VDAC1: variants seen among roughly 807,000 people sequenced by gnomAD.
The protein encoded by VDAC1 is voltage dependent anion channel 1.
A neutral mutation model predicts 34.7 loss-of-function variants in VDAC1; 10 were observed. That is an observed-to-expected ratio of 0.29 (90% CI 0.18 to 0.49). The LOEUF is 0.49. Among genes scored for constraint, VDAC1 ranks in the 20% least tolerant of loss-of-function variants. The pLI is 0.99. For missense variants in VDAC1, 230 were observed against 347.9 expected (o/e 0.66, Z 2.69); for synonymous variants, 130 against 136.0 (o/e 0.96, Z 0.30).
the VDAC1 span, among the ~76,000 whole-genome samples, chr5:134,051,283 C>T: frequency 2.6e-5 from 4 of 152,218 alleles, no homozygotes; most frequent in African/African-American, 4.8e-5. Flanking sequence ...ATGCTGAGCC[C>T]GCTCTCAGAG....
At chr5:134,057,516 T>C in the VDAC1 span, among the ~76,000 whole-genome samples, 3 of 150,416 alleles carry the variant, frequency 2.0e-5, no homozygotes, top group South Asian at 6.4e-4. Flanking sequence ...TATATCTATA[T>C]CTATATCTAT....
chr5:134,062,455 A>T, the VDAC1 span, among the ~76,000 whole-genome samples: 2 of 151,756 alleles, frequency 1.3e-5, no homozygotes, highest in Non-Finnish European at 1.5e-5. Flanking sequence ...GTATCTATAT[A>T]CAGTTTGCTA....
chr5:134,100,583 G>A, the VDAC1 span, among the ~76,000 whole-genome samples: 6 of 152,314 alleles, frequency 3.9e-5, no homozygotes, highest in East Asian at 3.9e-4. Flanking sequence ...AGCAGCAGAC[G>A]CAGGCCTAGC....
At chr5:134,035,441 T>C in the VDAC1 span, among the ~76,000 whole-genome samples, 1 of 152,028 alleles carries the variant, frequency 6.6e-6, no homozygotes, top group Non-Finnish European at 1.5e-5. Context: ...AGAAAAGAGG[T>C]CTCATCATTT....
chr5:134,003,827 C>T (rs185815985), intron 1 of VDAC1, among the ~76,000 whole-genome samples: 2 of 152,330 alleles, frequency 1.3e-5, no homozygotes, highest in East Asian at 3.9e-4. Context: ...TGGGGACTTC[C>T]CAGCTGTGTG....
At chr5:133,992,872 C>T (rs1284532993) in intron 2 of VDAC1, 74 bp downstream of exon 2, 10 of 1,458,740 alleles carry the variant, frequency 6.9e-6, no homozygotes, top group African/African-American at 2.8e-5. Flanking sequence ...GTCTCCTAAA[C>T]AGTTATCGGT....
Position 133,972,358 on chromosome 5 carries a change from G to C in VDAC1, c.*413C>G, listed in dbSNP as rs2126884804. ...ATCTGTCTAAAAAAGTCCCATTCAGGTGAGTTTGTACACACCATCAAGCAG... is the reference window on the plus strand; with the variant it reads ...ATCTGTCTAAAAAAGTCCCATTCAGCTGAGTTTGTACACACCATCAAGCAG... On this transcript the variant is annotated 3_prime_UTR_variant, in exon 9 of 9. Coordinates refer to ENST00000265333, the MANE Select transcript of VDAC1 (RefSeq NM_003374.3). 1 of 362,186 alleles carries C rather than the reference G, an allele frequency of 2.8e-6. No individual in the cohort carries two copies. The highest frequency in any genetic ancestry group is 1.4e-4 in the South Asian group (1 of 7,314). The allele number at this position is 362,186 out of a possible 1,614,324, so 22.4% of individuals were successfully genotyped here.
chr5:134,110,579 G>A, the VDAC1 span, among the ~76,000 whole-genome samples: 1 of 152,258 alleles, frequency 6.6e-6, no homozygotes, highest in Non-Finnish European at 1.5e-5. Context: ...TCTAGGACCT[G>A]TAACCGGGTT....
At chr5:134,013,104 A>G in the VDAC1 span, among the ~76,000 whole-genome samples, 6 of 152,240 alleles carry the variant, frequency 3.9e-5, no homozygotes, top group Non-Finnish European at 5.9e-5. Flanking sequence ...AAGACGGATT[A>G]AAGACTTAAA....
chr5:134,010,496 G>C, the VDAC1 span, among the ~76,000 whole-genome samples: 1 of 152,098 alleles, frequency 6.6e-6, no homozygotes, highest in African/African-American at 2.4e-5. Flanking sequence ...TACTCGGGAG[G>C]CTGAAGCAGG....
the VDAC1 span, among the ~76,000 whole-genome samples, chr5:134,088,769 G>A: frequency 6.6e-6 from 1 of 152,066 alleles, no homozygotes; most frequent in Non-Finnish European, 1.5e-5. Flanking sequence ...CTCACTGAAG[G>A]TTACCACTAT....
the VDAC1 span, among the ~76,000 whole-genome samples, chr5:134,026,865 C>A: frequency 5.9e-5 from 9 of 152,356 alleles, no homozygotes; most frequent in South Asian, 1.4e-3. Flanking sequence ...CAGATTCCCT[C>A]ATTTACAGAT....
chr5:133,985,993 G>A (rs932114322), intron 5 of VDAC1, among the ~76,000 whole-genome samples: 1 of 152,210 alleles, frequency 6.6e-6, no homozygotes, highest in Non-Finnish European at 1.5e-5. Flanking sequence ...CCAAGAGAAA[G>A]GGCAGTGCTG....
At chr5:134,055,653 C>T in the VDAC1 span, among the ~76,000 whole-genome samples, 1 of 136,732 alleles carries the variant, frequency 7.3e-6, no homozygotes, top group South Asian at 2.4e-4. Context: ...GTCTTGATCT[C>T]CTGACCTCAG....
At chr5:133,985,662 AAAAG>A (rs1220853993) in intron 5 of VDAC1, among the ~76,000 whole-genome samples, 1 of 152,224 alleles carries the variant, frequency 6.6e-6, no homozygotes, top group Non-Finnish European at 1.5e-5. Flanking sequence ...AGAAAAAAGA[AAAAG>A]AAACCTATCT....
the VDAC1 span, among the ~76,000 whole-genome samples, chr5:134,081,101 G>A: frequency 0.024 from 3,563 of 150,832 alleles, 54 homozygotes; most frequent in Non-Finnish European, 0.033. Context: ...GCAATGGCGC[G>A]ATCTCAGCTT....
At chr5:134,095,767 C>T in the VDAC1 span, among the ~76,000 whole-genome samples, 1 of 152,206 alleles carries the variant, frequency 6.6e-6, no homozygotes, top group Non-Finnish European at 1.5e-5. Context: ...CATTTAAATT[C>T]ACTGCAACTA....
At chr5:134,073,985 G>A in the VDAC1 span, among the ~76,000 whole-genome samples, 7 of 152,234 alleles carry the variant, frequency 4.6e-5, no homozygotes, top group Non-Finnish European at 7.4e-5. Context: ...CCCATTATTT[G>A]TATTATATAT....
intron 1 of VDAC1, among the ~76,000 whole-genome samples, chr5:133,996,342 C>T (rs373404869): frequency 7.2e-5 from 11 of 152,210 alleles, no homozygotes; most frequent in Non-Finnish European, 1.0e-4. Context: ...ACCTACCCAA[C>T]CTTTCCTTGG....
Sources: gnomAD v4.1 joint callset for allele counts (sites outside exome capture counted in the v4.1 genomes callset) on GRCh38, gnomAD v4.1.1 for gene constraint, MANE v1.5 for transcripts, NCBI Gene and HGNC (gene_info 2026-07-23, HGNC 2026-07-21) for gene names.